The following BAZ2B variants were observed in gnomAD, a reference collection of about 807,000 sequenced individuals.
The protein encoded by BAZ2B is bromodomain adjacent to zinc finger domain protein 2B.
Under a neutral mutation model 246.0 loss-of-function variants are expected in BAZ2B, and 91 were observed. The ratio of observed to expected loss-of-function variants is 0.37; its 90% CI spans 0.31 to 0.44. BAZ2B has a LOEUF of 0.44. BAZ2B is among the 20% of genes least tolerant of loss of function. BAZ2B has a pLI of 1.00. For synonymous variants in BAZ2B, 855 were observed against 860.0 expected, an observed-to-expected ratio of 0.99 and a Z score of 0.10; for missense variants, 2,332 against 2,533.7, an observed-to-expected ratio of 0.92 and a Z score of 1.71.
At chr2:159,419,576 T>A (rs148817439) in intron 13 of BAZ2B, among the ~76,000 whole-genome samples, 1 of 152,168 alleles carries the variant, frequency 6.6e-6, no homozygotes, top group Non-Finnish European at 1.5e-5. Flanking sequence ...GTAAGAACCA[T>A]GAGAAAAGGT....
the BAZ2B span, among the ~76,000 whole-genome samples, chr2:159,628,400 C>T: frequency 0.014 from 2,175 of 152,256 alleles, 18 homozygotes; most frequent in Middle Eastern, 0.024. Flanking sequence ...GTAGGCGTCA[C>T]GCTACCTGAC....
chr2:159,703,144 T>C, the BAZ2B span, among the ~76,000 whole-genome samples: 3 of 152,022 alleles, frequency 2.0e-5, no homozygotes, highest in African/African-American at 7.2e-5. Context: ...TGGAGTGCAG[T>C]GGTGCAATCT....
At chr2:159,566,439 T>G (rs1170987559) in intron 1 of BAZ2B, among the ~76,000 whole-genome samples, 1 of 152,196 alleles carries the variant, frequency 6.6e-6, no homozygotes, top group Non-Finnish European at 1.5e-5. Context: ...TGAATCAACC[T>G]TAGACAAAAA....
At chr2:159,705,514 TA>T in the BAZ2B span, among the ~76,000 whole-genome samples, 1 of 152,200 alleles carries the variant, frequency 6.6e-6, no homozygotes. Context: ...AAATTCAATA[TA>T]TAACAAAGGT....
At chr2:159,438,745 A>G (rs1271276179) in intron 7 of BAZ2B, 50 bp from the exon 8 acceptor site, 1 of 1,511,340 alleles carries the variant, frequency 6.6e-7, no homozygotes, top group African/African-American at 1.4e-5. Flanking sequence ...TAAGACAAAG[A>G]CTATCAAGCA....
rs770566223 is a variant in BAZ2B, at chr2:159,349,034, A to G, written c.5110T>C (p.Phe1704Leu). Residue 1704 changes from phenylalanine to leucine, a missense_variant, in exon 29 of 37, where the codon TTT becomes CTT. Physicochemically the swap from Phe to Leu is conservative, Grantham distance 22. Transcript: ENST00000392783. The stretch of plus-strand genomic sequence containing the variant: ...TCTGGAATAGGTTTTGGACTAGGAA[A>G]ATCTACTGGTTTTGCTACTTCAACA... ...AAVEVAKPVD[F>L]PSPKPIPEEM... 2 of 1,614,128 alleles carry G rather than the reference A, an allele frequency of 1.2e-6. No homozygotes were observed. The highest frequency in any genetic ancestry group is 1.7e-6 in the Non-Finnish European group (2 of 1,179,990).
intron 1 of BAZ2B, among the ~76,000 whole-genome samples, chr2:159,558,340 T>G (rs1045303055): frequency 2.6e-5 from 4 of 152,140 alleles, no homozygotes; most frequent in Non-Finnish European, 5.9e-5. Flanking sequence ...CACCGCAACC[T>G]CCACCTCCCA....
At chr2:159,520,630 G>C (rs1428331492) in intron 2 of BAZ2B, among the ~76,000 whole-genome samples, 1 of 151,986 alleles carries the variant, frequency 6.6e-6, no homozygotes, top group East Asian at 1.9e-4. Context: ...AACATAACTA[G>C]GATATTTATT....
intron 3 of BAZ2B, among the ~76,000 whole-genome samples, chr2:159,467,901 A>G (rs1324150649): frequency 6.6e-6 from 1 of 152,194 alleles, no homozygotes; most frequent in Non-Finnish European, 1.5e-5. Flanking sequence ...ATAACTACAG[A>G]TGATGGTCAA....
At chr2:159,451,309 C>T (rs1246113633) in intron 4 of BAZ2B, among the ~76,000 whole-genome samples, 1 of 152,010 alleles carries the variant, frequency 6.6e-6, no homozygotes, top group East Asian at 1.9e-4. Flanking sequence ...ATCTGAAATG[C>T]ATAATACTTT....
the BAZ2B span, among the ~76,000 whole-genome samples, chr2:159,663,288 G>A: frequency 2.0e-5 from 3 of 147,652 alleles, no homozygotes; most frequent in East Asian, 2.1e-4. Context: ...TGCAACCTCC[G>A]CCTCCCAGGC....
At chr2:159,407,210 G>A (rs1159179575) in intron 14 of BAZ2B, among the ~76,000 whole-genome samples, 6 of 151,456 alleles carry the variant, frequency 4.0e-5, no homozygotes, top group Non-Finnish European at 7.4e-5. Context: ...AGTGGCTCAT[G>A]CCTGTAATCC....
chr2:159,631,856 C>G, the BAZ2B span, among the ~76,000 whole-genome samples: 2 of 152,188 alleles, frequency 1.3e-5, no homozygotes, highest in African/African-American at 4.8e-5. Context: ...TCAAATGGTA[C>G]ATGCAAATAT....
At chr2:159,466,459 C>T (rs1180971471) in intron 3 of BAZ2B, among the ~76,000 whole-genome samples, 2 of 152,046 alleles carry the variant, frequency 1.3e-5, no homozygotes, top group African/African-American at 4.8e-5. Context: ...AGATAAAGTC[C>T]TTGCCCTTTA....
intron 1 of BAZ2B, among the ~76,000 whole-genome samples, chr2:159,601,367 T>A (rs1361826873): frequency 1.3e-5 from 2 of 151,338 alleles, no homozygotes; most frequent in African/African-American, 4.9e-5. Flanking sequence ...AAGGCTGCAG[T>A]GAGCCTAGAT....
chr2:159,499,203 G>A (rs1410167174), intron 2 of BAZ2B, among the ~76,000 whole-genome samples: 5 of 152,102 alleles, frequency 3.3e-5, no homozygotes, highest in Non-Finnish European at 5.9e-5. Context: ...ACATGCACCA[G>A]TGTGTGTATA....
At chr2:159,671,431 C>T in the BAZ2B span, among the ~76,000 whole-genome samples, 23 of 152,032 alleles carry the variant, frequency 1.5e-4, no homozygotes, top group Non-Finnish European at 2.4e-4. Flanking sequence ...GAAGGTACTA[C>T]CTCAAATACT....
chr2:159,495,484 CAAAAAAAAAAAAAAAAAA>C (rs56365046), intron 2 of BAZ2B, among the ~76,000 whole-genome samples: 7 of 73,214 alleles, frequency 9.6e-5, no homozygotes, highest in Middle Eastern at 0.01. Flanking sequence ...GACTCCGTCT[CAAAAAAAAAAAAAAAAAA>C]AAAAAAAAAA....
rs778155906 is a variant in BAZ2B, at chr2:159,397,333, A to G, written c.3009+12T>C. 7 of 1,522,528 alleles carry G rather than the reference A, an allele frequency of 4.6e-6. 1 individual carries two copies. The East Asian group carries it at 6.8e-5, about 15-fold the overall frequency. The allele number at this position is 1,522,528 out of a possible 1,614,324, so 94.3% of individuals were successfully genotyped here. ...GTACATTCAACAATTGTATAACTAT[A>G]CATATACAGACCTGATGTTTCAGAA... On this transcript the variant is annotated intron_variant, in intron 19 of 36. Transcript: ENST00000392783.
Sources: gnomAD v4.1 joint callset for allele counts (sites outside exome capture counted in the v4.1 genomes callset) on GRCh38, gnomAD v4.1.1 for gene constraint, MANE v1.5 for transcripts, NCBI Gene and HGNC (gene_info 2026-07-23, HGNC 2026-07-21) for gene names.